DMXL2: variants seen among roughly 807,000 people sequenced by gnomAD.
DMXL2 encodes the protein Dmx like 2.
Under a neutral mutation model 331.1 loss-of-function variants are expected in DMXL2, and 103 were observed. The observed-to-expected ratio is 0.31, with a 90% CI of 0.27 to 0.37. DMXL2 has a LOEUF of 0.37. Among genes scored for constraint, DMXL2 ranks in the 10% least tolerant of loss-of-function variants. The pLI is 1.00. For synonymous variants in DMXL2, 1,281 were observed against 1,252.1 expected, an observed-to-expected ratio of 1.02 and a Z score of -0.49; for missense variants, 3,171 against 3,642.9, an observed-to-expected ratio of 0.87 and a Z score of 3.33.
At chr15:51,545,857 T>C in intron 7 of DMXL2, 91 bp from the exon 8 acceptor site, 10 of 1,059,210 alleles carry the variant, frequency 9.4e-6, no homozygotes, top group Non-Finnish European at 1.4e-5. Context: ...AAAGATAACA[T>C]TAGTGCAAAA....
chr15:51,616,085 G>C (rs978657028), intron 1 of DMXL2, among the ~76,000 whole-genome samples: 2 of 152,056 alleles, frequency 1.3e-5, no homozygotes, highest in Non-Finnish European at 2.9e-5. Context: ...TACTCCCAAG[G>C]CTCAGTTTTT....
Position 51,568,566 on chromosome 15 carries a change from A to C in DMXL2, c.214-8T>G, listed in dbSNP as rs1432974066. ...ACCATATGAAGCTGCAATCTAAAAA[A>C]GAATAAATACAGCATTAATATCTAG... On this transcript the variant is annotated splice_polypyrimidine_tract_variant and splice_region_variant and intron_variant, in intron 2 of 43. Coordinates refer to ENST00000560891, the MANE Select transcript of DMXL2 (RefSeq NM_001378457.1). The C allele has an allele frequency of 1.9e-6, 3 of 1,556,190 alleles. No homozygotes were observed. The highest frequency in any genetic ancestry group is 2.6e-6 in the Non-Finnish European group (3 of 1,152,866).
rs2039148837 is a variant in DMXL2 at position 51,451,634 on chromosome 15, C to A, written c.8749+11G>T. 1 of 1,607,262 alleles carries A rather than the reference C, an allele frequency of 6.2e-7. No homozygotes were observed. Among genetic ancestry groups the A allele is most frequent in the Non-Finnish European group, 8.5e-7 (1 of 1,174,678 alleles). The stretch of plus-strand genomic sequence containing the variant: ...ATGGTATATTTTTAAAAATCATAGA[C>A]CTTAACTCACCATGAATGAGGCTGT... On this transcript the variant is annotated intron_variant, in intron 42 of 43. Transcript: ENST00000560891.
chr15:51,610,969 G>T (rs760602794), intron 1 of DMXL2, among the ~76,000 whole-genome samples: 6 of 152,048 alleles, frequency 3.9e-5, no homozygotes, highest in Non-Finnish European at 5.9e-5. Context: ...AAACAGCTTT[G>T]TAGAATGCAG....
At chr15:51,533,764 G>T (rs571699881) in intron 13 of DMXL2, among the ~76,000 whole-genome samples, 4 of 152,160 alleles carry the variant, frequency 2.6e-5, no homozygotes, top group Non-Finnish European at 5.9e-5. Flanking sequence ...AAACAAGCTG[G>T]AAAACATTCC....
At chr15:51,483,819 T>C (rs2042194890) in intron 23 of DMXL2, among the ~76,000 whole-genome samples, 1 of 151,380 alleles carries the variant, frequency 6.6e-6, no homozygotes, top group Non-Finnish European at 1.5e-5. Flanking sequence ...GGTGGACACA[T>C]CCCAGCCTGG....
At chr15:51,618,542 T>C (rs909872970) in intron 1 of DMXL2, among the ~76,000 whole-genome samples, 9 of 152,112 alleles carry the variant, frequency 5.9e-5, no homozygotes, top group Admixed American at 3.9e-4. Context: ...CAACCTTTTG[T>C]TGGTATTTTA....
intron 1 of DMXL2, among the ~76,000 whole-genome samples, chr15:51,618,257 C>T (rs1032609699): frequency 6.6e-6 from 1 of 151,934 alleles, no homozygotes; most frequent in East Asian, 1.9e-4. Context: ...ATTAGACTAC[C>T]AGGTTCCTAC....
intron 33 of DMXL2, chr15:51,460,164 A>G: frequency 2.0e-6 from 2 of 986,328 alleles, no homozygotes; most frequent in Non-Finnish European, 2.4e-6. Context: ...CGGAAAAAGA[A>G]ATAACTCAGT....
intron 1 of DMXL2, among the ~76,000 whole-genome samples, chr15:51,607,897 G>A (rs2053697944): frequency 6.6e-6 from 1 of 152,070 alleles, no homozygotes; most frequent in South Asian, 2.1e-4. Context: ...GGCCTTTCAA[G>A]AATGAAACAA....
rs141041082 is a variant in DMXL2 at position 51,456,147 on chromosome 15, C to A, written c.8445G>T (p.Thr2815=). The stretch of plus-strand genomic sequence containing the variant: ...GAAAGCAGACAAGTTGCTGAGGCCG[C>A]GTCCATTCAAACATTCGTACACTGC... ...QDGSVRMFEW[T]RPQQLVCFRQ... is the part of the protein sequence containing the mutation. The change falls in exon 39 of 44, where the codon ACG becomes ACT. Residue 2815 remains threonine, a synonymous_variant. Coordinates refer to ENST00000560891, the MANE Select transcript of DMXL2 (RefSeq NM_001378457.1). 6.2e-7 allele frequency: 1 copy of A among 1,614,148 alleles called. No individual in the cohort carries two copies. Among genetic ancestry groups the A allele is most frequent in the Non-Finnish European group, 8.5e-7 (1 of 1,180,018 alleles).
chr15:51,460,452 C>A (rs1225126699), intron 33 of DMXL2: 1 of 778,198 alleles, frequency 1.3e-6, no homozygotes, highest in Non-Finnish European at 1.6e-6. Flanking sequence ...GAAGGCCAAA[C>A]TGCTGAAGAA....
At chr15:51,495,713 G>A (rs1228996667) in intron 18 of DMXL2, among the ~76,000 whole-genome samples, 2 of 151,946 alleles carry the variant, frequency 1.3e-5, no homozygotes, top group Non-Finnish European at 2.9e-5. Context: ...AAAGTATGAA[G>A]GTATGGCAAG....
At position 51,456,204 on chromosome 15, in the gene DMXL2, A is replaced by C. The variant is rs551131295; in HGVS notation, c.8399-11T>G. 1.2e-6 allele frequency: 2 copies of C among 1,606,186 alleles called. No homozygotes were observed. The highest frequency in any genetic ancestry group is 4.5e-5 in the East Asian group (2 of 44,814). On this transcript the variant is annotated splice_polypyrimidine_tract_variant and intron_variant, in intron 38 of 43. Transcript: ENST00000560891. Reference sequence around the variant, plus strand: ...GAGCACCTGTAAGATCTGAAACACAAGAGAAAAAGCAGGAAATAAGAAATT... The same window carrying C: ...GAGCACCTGTAAGATCTGAAACACACGAGAAAAAGCAGGAAATAAGAAATT...
intron 13 of DMXL2, among the ~76,000 whole-genome samples, chr15:51,531,664 C>T (rs2048008509): frequency 6.6e-6 from 1 of 152,246 alleles, no homozygotes; most frequent in East Asian, 1.9e-4. Flanking sequence ...GAAGCTCAAA[C>T]AACTCTACAG....
chr15:51,612,504 G>C (rs1275345457), intron 1 of DMXL2, among the ~76,000 whole-genome samples: 1 of 152,084 alleles, frequency 6.6e-6, no homozygotes, highest in Non-Finnish European at 1.5e-5. Context: ...TGGGTGTCCG[G>C]GGGAGACATC....
chr15:51,488,619 G>A lies in DMXL2; in HGVS notation c.4980C>T (p.Asn1660=). The A allele has an allele frequency of 2.5e-6, 4 of 1,610,910 alleles. No homozygotes were observed. The highest frequency in any genetic ancestry group is 3.4e-6 in the Non-Finnish European group (4 of 1,179,222). Residue 1660 remains asparagine (N), a synonymous_variant, in exon 21 of 44, where the codon AAC becomes AAT. Transcript: ENST00000560891. The part of the protein sequence containing the change: ...EKVAKASFQR[N]NDALDAALFY... ...ATAGTGCAGCATCTAAGGCATCATT[G>A]TTCCTTTGAAAAGAAGCTTTGGCAA... is the stretch of plus-strand genomic sequence containing the variant.
chr15:51,478,350 A>G lies in DMXL2; in HGVS notation c.6757-3T>C. 6.2e-7 allele frequency: 1 copy of G among 1,612,032 alleles called. No individual in the cohort carries two copies. The highest frequency in any genetic ancestry group is 1.3e-5 in the African/African-American group (1 of 74,984). On this transcript the variant is annotated splice_region_variant and splice_polypyrimidine_tract_variant and intron_variant, in intron 25 of 43. Transcript: ENST00000560891. Reference sequence around the variant, plus strand: ...GCTAGTGAATGAAGTGTGTGCACCTAAAACCAAAACAGTCACAATTACATT... The same window carrying G: ...GCTAGTGAATGAAGTGTGTGCACCTGAAACCAAAACAGTCACAATTACATT...
intron 23 of DMXL2, 131 bp downstream of exon 23, chr15:51,485,942 A>C: frequency 1.0e-6 from 1 of 962,074 alleles, no homozygotes; most frequent in Non-Finnish European, 1.5e-6. Flanking sequence ...ACACACAAGA[A>C]ATTTTAATAA....
Sources: allele counts gnomAD v4.1 joint callset (sites outside exome capture counted in the v4.1 genomes callset), GRCh38; gene constraint gnomAD v4.1.1; transcripts MANE v1.5; gene names NCBI Gene and HGNC (gene_info 2026-07-23, HGNC 2026-07-21).